Variants in MACROD2 observed in about 807,000 individuals in gnomAD.
MACROD2 encodes mono-ADP ribosylhydrolase 2.
In MACROD2, 36 loss-of-function variants were observed where a neutral mutation model predicts 70.4. That is an observed-to-expected ratio of 0.51 (90% CI 0.39 to 0.68). The LOEUF is 0.68. Among genes scored for constraint, MACROD2 ranks in the 30% least tolerant of loss-of-function variants. The pLI is 0.00. For synonymous variants in MACROD2, 172 were observed against 178.8 expected, an observed-to-expected ratio of 0.96 and a Z score of 0.30; for missense variants, 496 against 538.4, an observed-to-expected ratio of 0.92 and a Z score of 0.78.
chr20:15,496,107 T>C (rs1180935087), intron 7 of MACROD2, among the ~76,000 whole-genome samples: 1 of 152,102 alleles, frequency 6.6e-6, no homozygotes, highest in East Asian at 1.9e-4. Flanking sequence ...AGGGGAGAAA[T>C]GTTGCCACTA....
At chr20:14,931,259 A>T (rs1667606081) in intron 5 of MACROD2, among the ~76,000 whole-genome samples, 2 of 152,296 alleles carry the variant, frequency 1.3e-5, no homozygotes, top group African/African-American at 4.8e-5. Flanking sequence ...AGACTTATAT[A>T]CAGAGCATTC....
At chr20:14,410,604 CT>C (rs57342720) in intron 3 of MACROD2, among the ~76,000 whole-genome samples, 289 of 152,154 alleles carry the variant, frequency 1.9e-3, no homozygotes, top group African/African-American at 6.6e-3. Flanking sequence ...AGAATTTGTA[CT>C]TCTAATAAGC....
At chr20:15,080,089 G>A in intron 5 of MACROD2, among the ~76,000 whole-genome samples, 1 of 150,720 alleles carries the variant, frequency 6.6e-6, no homozygotes, top group Non-Finnish European at 1.5e-5. Flanking sequence ...TGACTCTAAT[G>A]CCTTCCATCT....
Position 15,697,092 on chromosome 20 carries a change from G to A in MACROD2, c.646-165653G>A, listed in dbSNP as rs376725810. On this transcript the variant is annotated intron_variant, in intron 8 of 17. Coordinates refer to ENST00000684519, the MANE Select transcript of MACROD2 (RefSeq NM_001351661.2). ...ATCTTGGGTATTTCCTTTCGTCTGCGGGTTTGGGTTTGGTTTGTTCTAGTT... is the reference window on the plus strand; with the variant it reads ...ATCTTGGGTATTTCCTTTCGTCTGCAGGTTTGGGTTTGGTTTGTTCTAGTT... 1.2e-3 allele frequency among the ~76,000 whole-genome samples: 179 copies of A among 151,946 alleles called. No homozygotes were observed. In the South Asian group the frequency reaches 0.021, roughly 18 times the overall value.
At chr20:15,814,542 C>T (rs906370094) in intron 8 of MACROD2, among the ~76,000 whole-genome samples, 1 of 152,228 alleles carries the variant, frequency 6.6e-6, no homozygotes, top group Non-Finnish European at 1.5e-5. Context: ...CTTCACCACT[C>T]TTTCCATGCT....
intron 5 of MACROD2, among the ~76,000 whole-genome samples, chr20:14,825,877 C>T (rs574363497): frequency 5.3e-5 from 8 of 152,226 alleles, no homozygotes; most frequent in Non-Finnish European, 1.2e-4. Flanking sequence ...ATGGGGATGC[C>T]TATGCACAAA....
chr20:14,356,621 C>T (rs751097043), intron 3 of MACROD2, among the ~76,000 whole-genome samples: 1 of 150,716 alleles, frequency 6.6e-6, no homozygotes, highest in Non-Finnish European at 1.5e-5. Context: ...TCTCCTGCCT[C>T]AACCTCCCAA....
intron 2 of MACROD2, among the ~76,000 whole-genome samples, chr20:14,004,608 T>G (rs1426017733): frequency 6.6e-6 from 1 of 152,138 alleles, no homozygotes; most frequent in Non-Finnish European, 1.5e-5. Flanking sequence ...TATTCAGTGC[T>G]CAGTTATTAA....
intron 8 of MACROD2, among the ~76,000 whole-genome samples, chr20:15,846,194 A>G (rs1381434897): frequency 6.6e-6 from 1 of 152,236 alleles, no homozygotes; most frequent in Non-Finnish European, 1.5e-5. Flanking sequence ...AAACTTTGCA[A>G]TTGACCAGAA....
chr20:14,138,470 T>C (rs1417223891), intron 3 of MACROD2, among the ~76,000 whole-genome samples: 1 of 152,094 alleles, frequency 6.6e-6, no homozygotes, highest in Non-Finnish European at 1.5e-5. Flanking sequence ...AGTAGTGAAA[T>C]ACATTATGTT....
intron 12 of MACROD2, among the ~76,000 whole-genome samples, chr20:15,965,090 G>A (rs892663412): frequency 1.3e-5 from 2 of 152,108 alleles, no homozygotes; most frequent in African/African-American, 4.8e-5. Context: ...CTAAAGTCAG[G>A]ACATGTCTTA....
At chr20:14,791,478 C>T (rs191840367) in intron 5 of MACROD2, among the ~76,000 whole-genome samples, 55 of 152,234 alleles carry the variant, frequency 3.6e-4, no homozygotes, top group Admixed American at 1.8e-3. Flanking sequence ...TGTCAAGAGA[C>T]ATGGATACTG....
chr20:14,284,766 T>C (rs1242641545), intron 3 of MACROD2, among the ~76,000 whole-genome samples: 3 of 152,240 alleles, frequency 2.0e-5, no homozygotes, highest in Non-Finnish European at 4.4e-5. Flanking sequence ...ACTTTGATTT[T>C]ATGTTGGCCT....
At chr20:14,867,092 G>C (rs955931544) in intron 5 of MACROD2, among the ~76,000 whole-genome samples, 1 of 152,070 alleles carries the variant, frequency 6.6e-6, no homozygotes. Context: ...CAAGGATCGT[G>C]TTTAGGTGGC....
intron 3 of MACROD2, among the ~76,000 whole-genome samples, chr20:14,315,345 A>G (rs556604178): frequency 5.9e-5 from 9 of 152,360 alleles, no homozygotes; most frequent in Admixed American, 3.3e-4. Context: ...GTTTACAAAG[A>G]GCTTTCACCA....
intron 5 of MACROD2, among the ~76,000 whole-genome samples, chr20:14,802,208 A>G (rs917882850): frequency 1.3e-5 from 2 of 152,058 alleles, no homozygotes; most frequent in African/African-American, 4.8e-5. Flanking sequence ...CACCTGCTCT[A>G]CTGTGCAAAC....
chr20:16,039,396 T>C (rs1446666260), intron 15 of MACROD2, among the ~76,000 whole-genome samples: 1 of 151,960 alleles, frequency 6.6e-6, no homozygotes, highest in Non-Finnish European at 1.5e-5. Context: ...CATTTTCCTA[T>C]TAAGTTGGTG....
At chr20:15,685,371 G>A (rs1450079593) in intron 8 of MACROD2, among the ~76,000 whole-genome samples, 3 of 152,194 alleles carry the variant, frequency 2.0e-5, no homozygotes, top group Non-Finnish European at 4.4e-5. Flanking sequence ...CTAGCACTTC[G>A]AAAGAACATA....
intron 5 of MACROD2, among the ~76,000 whole-genome samples, chr20:14,740,743 A>G (rs528874205): frequency 6.6e-6 from 1 of 152,070 alleles, no homozygotes; most frequent in African/African-American, 2.4e-5. Flanking sequence ...TTTGTGGCTA[A>G]ATGAAAGATT....
Sources: allele counts gnomAD v4.1 joint callset (sites outside exome capture counted in the v4.1 genomes callset), GRCh38; gene constraint gnomAD v4.1.1; transcripts MANE v1.5; gene names NCBI Gene and HGNC (gene_info 2026-07-23, HGNC 2026-07-21).